The following TEX9 variants were observed in gnomAD, a reference collection of about 807,000 sequenced individuals.
TEX9 encodes testis-expressed protein 9.
In TEX9, 74 loss-of-function variants were observed where a neutral mutation model predicts 59.6. The observed-to-expected ratio is 1.24, with a 90% CI of 1.03 to 1.51. TEX9 has a LOEUF of 1.51. TEX9 is among the 40% of genes most tolerant of loss of function. The probability of loss-of-function intolerance (pLI) is 0.00; values close to 1 mark genes in which losing one functional copy is unlikely to be tolerated. For synonymous variants in TEX9, 186 were observed against 152.2 expected (o/e 1.22, Z -1.64); for missense variants, 522 against 447.8 (o/e 1.17, Z -1.49).
At chr15:56,284,377 T>G (rs1197502782) in intron 1 of TEX9, among the ~76,000 whole-genome samples, 1 of 152,154 alleles carries the variant, frequency 6.6e-6, no homozygotes, top group East Asian at 1.9e-4. Flanking sequence ...AAATATCCTT[T>G]CAAAGGGTGT....
intron 1 of TEX9, among the ~76,000 whole-genome samples, chr15:56,255,485 T>C (rs891552016): frequency 6.6e-6 from 1 of 151,560 alleles, no homozygotes; most frequent in African/African-American, 2.4e-5. Context: ...AATAAAAAAA[T>C]CTCAAATTTA....
exon 11 of TEX9, chr15:56,427,647 T>G (rs752299443): frequency 6.4e-7 from 1 of 1,550,634 alleles, no homozygotes; most frequent in Non-Finnish European, 8.7e-7. Flanking sequence ...AGTGTTAAAA[T>G]CAGAAAACAA....
chr15:56,335,551 A>G (rs116836007), intron 1 of TEX9, among the ~76,000 whole-genome samples: 2,157 of 152,262 alleles, frequency 0.014, 46 homozygotes, highest in African/African-American at 0.048. Context: ...GGTACAAAAA[A>G]TAGTTAGAAA....
intron 1 of TEX9, among the ~76,000 whole-genome samples, chr15:56,331,756 C>T (rs2046149816): frequency 6.6e-6 from 1 of 151,830 alleles, no homozygotes; most frequent in African/African-American, 2.4e-5. Flanking sequence ...CTACAATGAA[C>T]TCAAACAAAT....
intron 1 of TEX9, among the ~76,000 whole-genome samples, chr15:56,272,388 C>CT (rs1386259035): frequency 6.6e-6 from 1 of 152,164 alleles, no homozygotes; most frequent in Non-Finnish European, 1.5e-5. Context: ...CCTATTGTGT[C>CT]TGTCTTCTTT....
chr15:56,288,868 A>G (rs910328483), intron 1 of TEX9, among the ~76,000 whole-genome samples: 8 of 152,136 alleles, frequency 5.3e-5, no homozygotes, highest in Admixed American at 4.6e-4. Context: ...TATAACTCTA[A>G]TGTTTGCTTT....
At chr15:56,397,687 TTCCCA>T (rs1328969976) in intron 9 of TEX9, 1 of 152,210 alleles carries the variant, frequency 6.6e-6, no homozygotes, top group Non-Finnish European at 1.5e-5. Flanking sequence ...TCATCTTGAA[TTCCCA>T]TGTGTTGTGG....
At chr15:56,383,842 G>T in intron 3 of TEX9, 110 bp from the exon 4 acceptor site, 1 of 731,636 alleles carries the variant, frequency 1.4e-6, no homozygotes. Context: ...TTATGTTATG[G>T]AAACCTTGGA....
intron 3 of TEX9, among the ~76,000 whole-genome samples, chr15:56,378,676 T>C (rs12902594): frequency 0.32 from 48,349 of 152,006 alleles, 8,218 homozygotes; most frequent in Middle Eastern, 0.48. Flanking sequence ...TCATTGATCT[T>C]TTCTTTATTT....
At chr15:56,410,334 T>C (rs2049287367) in intron 9 of TEX9, 1 of 152,242 alleles carries the variant, frequency 6.6e-6, no homozygotes. Flanking sequence ...GGCTGATGCA[T>C]GCCCCTCTCT....
intron 1 of TEX9, among the ~76,000 whole-genome samples, chr15:56,285,468 T>A (rs2044931255): frequency 6.6e-6 from 1 of 152,122 alleles, no homozygotes; most frequent in South Asian, 2.1e-4. Context: ...TACTAAACTC[T>A]CCTCCCATTT....
At chr15:56,266,266 A>C (rs1360380817) in intron 1 of TEX9, among the ~76,000 whole-genome samples, 1 of 151,266 alleles carries the variant, frequency 6.6e-6, no homozygotes, top group Non-Finnish European at 1.5e-5. Context: ...AGCTGGGACT[A>C]CAGGTGTGCA....
chr15:56,332,731 C>CA (rs565382882), intron 1 of TEX9, among the ~76,000 whole-genome samples: 1 of 149,226 alleles, frequency 6.7e-6, no homozygotes, highest in Non-Finnish European at 1.5e-5. Context: ...ATCAAAAAAA[C>CA]AAAAAATTGG....
intron 1 of TEX9, among the ~76,000 whole-genome samples, chr15:56,287,928 CACTT>C (rs1215052067): frequency 1.3e-5 from 2 of 152,220 alleles, no homozygotes; most frequent in East Asian, 3.9e-4. Flanking sequence ...CATTGATAAA[CACTT>C]AGGTAGATTC....
At chr15:56,411,968 A>C (rs1596209827) in intron 9 of TEX9, among the ~76,000 whole-genome samples, 1 of 152,214 alleles carries the variant, frequency 6.6e-6, no homozygotes, top group East Asian at 1.9e-4. Flanking sequence ...CCAAGAGAAG[A>C]AATACAGTTA....
intron 1 of TEX9, among the ~76,000 whole-genome samples, chr15:56,261,328 TAGGC>T: frequency 6.6e-6 from 1 of 152,214 alleles, no homozygotes; most frequent in Non-Finnish European, 1.5e-5. Flanking sequence ...TTTTCTGATA[TAGGC>T]ATGTAAAGTC....
At chr15:56,434,266 C>G (rs778835456) in intron 12 of TEX9, 7 of 1,613,902 alleles carry the variant, frequency 4.3e-6, no homozygotes, top group Non-Finnish European at 5.9e-6. Context: ...GCAAATTTAG[C>G]TAGCATAGTT....
intron 1 of TEX9, chr15:56,249,234 A>G (rs1460987371): frequency 6.6e-6 from 1 of 152,232 alleles, no homozygotes; most frequent in East Asian, 1.9e-4. Context: ...ACTTTGTGTT[A>G]CTAGGCAGAA....
At chr15:56,277,449 G>GT (rs1335346270) in intron 1 of TEX9, among the ~76,000 whole-genome samples, 1 of 152,152 alleles carries the variant, frequency 6.6e-6, no homozygotes, top group Non-Finnish European at 1.5e-5. Context: ...CCCATTGGTT[G>GT]TTTTTATCAG....
Sources: allele counts gnomAD v4.1 joint callset (sites outside exome capture counted in the v4.1 genomes callset), GRCh38; gene constraint gnomAD v4.1.1; transcripts MANE v1.5; gene names NCBI Gene and HGNC (gene_info 2026-07-23, HGNC 2026-07-21).